The following TUSC3 variants were observed in gnomAD, a reference collection of about 807,000 sequenced individuals.
TUSC3 encodes the protein tumor suppressor candidate 3, also known as dolichyl-diphosphooligosaccharide--protein glycosyltransferase subunit TUSC3.
TUSC3 carries 45 observed loss-of-function variants against 44.8 expected under a neutral mutation model. The observed-to-expected ratio is 1.00, with a 90% CI of 0.79 to 1.29. The LOEUF (loss-of-function observed/expected upper bound fraction) is 1.29, where lower values mean the gene tolerates loss of function less well. Among genes scored for constraint, TUSC3 ranks in the 50% most tolerant of loss-of-function variants. TUSC3 has a pLI of 0.00. For synonymous variants in TUSC3, 212 were observed against 152.9 expected (o/e 1.39, Z -2.85); for missense variants, 519 against 437.9 (o/e 1.19, Z -1.65).
At chr8:15,789,965 T>C in the TUSC3 span, among the ~76,000 whole-genome samples, 4 of 152,172 alleles carry the variant, frequency 2.6e-5, no homozygotes, top group South Asian at 4.2e-4. Flanking sequence ...GCAATGTTTA[T>C]TGAACCAGAG....
chr8:15,648,657 C>T (rs773187554), intron 2 of TUSC3, among the ~76,000 whole-genome samples: 1 of 128,466 alleles, frequency 7.8e-6, no homozygotes, highest in African/African-American at 2.9e-5. Flanking sequence ...ACCCAGGAGG[C>T]GGAGCTTGCA....
At chr8:15,527,716 T>A (rs1035096256) in intron 2 of TUSC3, among the ~76,000 whole-genome samples, 8 of 152,284 alleles carry the variant, frequency 5.3e-5, no homozygotes, top group Middle Eastern at 3.4e-3. Flanking sequence ...ACAGCTCGAA[T>A]ACTTCTGAAG....
intron 10 of TUSC3, among the ~76,000 whole-genome samples, chr8:15,761,463 A>G (rs547734069): frequency 1.8e-4 from 28 of 152,304 alleles, no homozygotes; most frequent in Admixed American, 1.6e-3. Flanking sequence ...CTAGCCTTCT[A>G]TCTATCTTAT....
intron 1 of TUSC3, among the ~76,000 whole-genome samples, chr8:15,586,509 G>C (rs893586456): frequency 6.6e-6 from 1 of 152,100 alleles, no homozygotes; most frequent in Non-Finnish European, 1.5e-5. Flanking sequence ...GGAATAATTG[G>C]TTTCCTGGAA....
At chr8:15,429,514 C>T (rs1197719157) in intron 1 of TUSC3, among the ~76,000 whole-genome samples, 5 of 151,374 alleles carry the variant, frequency 3.3e-5, no homozygotes, top group Admixed American at 6.6e-5. Context: ...AAGAAAGTCA[C>T]TGGTAGCTTG....
intron 5 of TUSC3, among the ~76,000 whole-genome samples, chr8:15,668,883 G>GT (rs1807802616): frequency 6.6e-6 from 1 of 151,714 alleles, no homozygotes; most frequent in African/African-American, 2.4e-5. Flanking sequence ...AATAAGCAGA[G>GT]TTTTTGGTTA....
intron 1 of TUSC3, among the ~76,000 whole-genome samples, chr8:15,563,561 C>G (rs1230340374): frequency 6.6e-6 from 1 of 151,762 alleles, no homozygotes; most frequent in Admixed American, 6.6e-5. Flanking sequence ...TGGCGCATGC[C>G]TGTAATACCA....
At chr8:15,777,124 C>G in the TUSC3 span, among the ~76,000 whole-genome samples, 1 of 152,106 alleles carries the variant, frequency 6.6e-6, no homozygotes, top group Non-Finnish European at 1.5e-5. Flanking sequence ...AAGACTTTTC[C>G]TGGCCTCCTC....
chr8:15,849,946 G>A, the TUSC3 span, among the ~76,000 whole-genome samples: 1 of 152,112 alleles, frequency 6.6e-6, no homozygotes, highest in Non-Finnish European at 1.5e-5. Context: ...AGAAACCTGA[G>A]TGCTTAGAGC....
the TUSC3 span, among the ~76,000 whole-genome samples, chr8:15,805,186 C>T: frequency 1.3e-5 from 2 of 152,154 alleles, no homozygotes; most frequent in African/African-American, 4.8e-5. Context: ...GATTTTGTAT[C>T]TGAAACTTTA....
At chr8:15,757,571 T>C (rs968654320) in intron 9 of TUSC3, among the ~76,000 whole-genome samples, 3 of 152,172 alleles carry the variant, frequency 2.0e-5, no homozygotes, top group Admixed American at 2.0e-4. Flanking sequence ...ACCTTTCTCA[T>C]GCTGAGTCCT....
intron 3 of TUSC3, among the ~76,000 whole-genome samples, chr8:15,651,759 C>A (rs1268465626): frequency 6.6e-6 from 1 of 152,158 alleles, no homozygotes; most frequent in Non-Finnish European, 1.5e-5. Context: ...TCTAGCAACT[C>A]AAGCAAACTA....
chr8:15,754,285 A>G (rs1811827629), intron 9 of TUSC3, among the ~76,000 whole-genome samples: 1 of 151,928 alleles, frequency 6.6e-6, no homozygotes, highest in South Asian at 2.1e-4. Flanking sequence ...AGTAAATCAT[A>G]AACTCTAGGG....
chr8:15,661,074 G>A (rs975839387), intron 4 of TUSC3, among the ~76,000 whole-genome samples: 2 of 151,710 alleles, frequency 1.3e-5, no homozygotes, highest in African/African-American at 4.8e-5. Flanking sequence ...CTACCCCCAT[G>A]TCTCTTTACC....
At chr8:15,692,613 G>A (rs1808967201) in intron 6 of TUSC3, among the ~76,000 whole-genome samples, 1 of 150,596 alleles carries the variant, frequency 6.6e-6, no homozygotes, top group African/African-American at 2.4e-5. Flanking sequence ...GTTTCTTCTA[G>A]GTTTTCTAGC....
At chr8:15,620,000 T>G (rs1805172430) in intron 1 of TUSC3, among the ~76,000 whole-genome samples, 1 of 152,268 alleles carries the variant, frequency 6.6e-6, no homozygotes, top group East Asian at 1.9e-4. Flanking sequence ...AGGTGGAGGT[T>G]GCGATTTGCT....
At chr8:15,797,905 A>G in the TUSC3 span, among the ~76,000 whole-genome samples, 1 of 152,146 alleles carries the variant, frequency 6.6e-6, no homozygotes, top group East Asian at 2.0e-4. Context: ...CAGTCCTGTT[A>G]GGTTTTTTTT....
intron 1 of TUSC3, among the ~76,000 whole-genome samples, chr8:15,433,165 A>G (rs1279019133): frequency 6.6e-6 from 1 of 152,074 alleles, no homozygotes; most frequent in East Asian, 1.9e-4. Context: ...TTTTTTAAAG[A>G]TGATATTTTG....
At position 15,631,924 on chromosome 8, in the gene TUSC3, G is replaced by A. The variant is rs192962470; in HGVS notation, c.308+8675G>A. Among the ~76,000 whole-genome samples the A allele has an allele frequency of 5.3e-3, 807 of 152,142 alleles. 2 individuals are homozygous for A. The highest frequency in any genetic ancestry group is 0.018 in the African/African-American group (728 of 41,502). Reference sequence around the variant, plus strand: ...GGGTTTCAGCGTGTTGGCCAGGCTGGTCTTGAACTCCTGACCTCCTGATCC... The same window carrying A: ...GGGTTTCAGCGTGTTGGCCAGGCTGATCTTGAACTCCTGACCTCCTGATCC... On this transcript the variant is annotated intron_variant, in intron 2 of 10. Transcript: ENST00000503731.
Sources: allele counts gnomAD v4.1 joint callset (sites outside exome capture counted in the v4.1 genomes callset), GRCh38; gene constraint gnomAD v4.1.1; transcripts MANE v1.5; gene names NCBI Gene and HGNC (gene_info 2026-07-23, HGNC 2026-07-21).